The following ACAP2 variants were observed in gnomAD, a reference collection of about 807,000 sequenced individuals.
The protein encoded by ACAP2 is arf-GAP with coiled-coil, ANK repeat and PH domain-containing protein 2.
A neutral mutation model predicts 115.8 loss-of-function variants in ACAP2; 39 were observed. The ratio of observed to expected loss-of-function variants is 0.34; its 90% confidence interval spans 0.26 to 0.44. The LOEUF is 0.44. Among genes scored for constraint, ACAP2 ranks in the 20% least tolerant of loss-of-function variants. The pLI is 1.00. For synonymous variants in ACAP2, 289 were observed against 315.8 expected (o/e 0.92, Z 0.90); for missense variants, 662 against 927.6 (o/e 0.71, Z 3.72).
intron 4 of ACAP2, among the ~76,000 whole-genome samples, chr3:195,351,233 T>C (rs532108987): frequency 6.6e-6 from 1 of 151,236 alleles, no homozygotes; most frequent in South Asian, 2.1e-4. Flanking sequence ...TTCTCCTGCC[T>C]CAGCCTCCCA....
chr3:195,387,736 G>A (rs1174612078), intron 2 of ACAP2, among the ~76,000 whole-genome samples: 2 of 152,140 alleles, frequency 1.3e-5, no homozygotes, highest in Non-Finnish European at 2.9e-5. Context: ...GATTACAGGC[G>A]TGAGCCACCA....
At chr3:195,392,522 T>C (rs1734748037) in intron 1 of ACAP2, among the ~76,000 whole-genome samples, 1 of 152,218 alleles carries the variant, frequency 6.6e-6, no homozygotes, top group African/African-American at 2.4e-5. Context: ...CTGCAAGGCG[T>C]TGTTGGCAAC....
At chr3:195,382,043 T>C in intron 2 of ACAP2, 21 bp from the exon 3 acceptor site, 1 of 1,598,880 alleles carries the variant, frequency 6.3e-7, no homozygotes, top group Non-Finnish European at 8.5e-7. Flanking sequence ...AAAAAAAAAT[T>C]CATCAGGTTG....
intron 1 of ACAP2, among the ~76,000 whole-genome samples, chr3:195,426,205 C>T (rs1176391511): frequency 6.6e-6 from 1 of 152,186 alleles, no homozygotes; most frequent in Non-Finnish European, 1.5e-5. Context: ...AAGCTCCTTT[C>T]TCCCTGAGGC....
intron 1 of ACAP2, among the ~76,000 whole-genome samples, chr3:195,433,897 C>G (rs968775999): frequency 6.6e-6 from 1 of 152,048 alleles, no homozygotes; most frequent in Admixed American, 6.6e-5. Context: ...GAATACTGGT[C>G]TGTAGGGTTT....
chr3:195,438,150 C>G (rs1345423486), intron 1 of ACAP2, among the ~76,000 whole-genome samples: 1 of 151,174 alleles, frequency 6.6e-6, no homozygotes, highest in Non-Finnish European at 1.5e-5. Flanking sequence ...CTCAGCCTCC[C>G]GAGTAGCTGG....
intron 13 of ACAP2, among the ~76,000 whole-genome samples, chr3:195,302,855 C>T (rs1186255822): frequency 3.3e-5 from 5 of 152,062 alleles, no homozygotes; most frequent in South Asian, 2.1e-4. Flanking sequence ...GAAGCTGAAG[C>T]GGGAGGACCA....
chr3:195,418,958 A>G (rs1713953512), intron 1 of ACAP2, among the ~76,000 whole-genome samples: 1 of 152,170 alleles, frequency 6.6e-6, no homozygotes, highest in Non-Finnish European at 1.5e-5. Flanking sequence ...AATAACATGG[A>G]GATGCTTGCA....
intron 1 of ACAP2, among the ~76,000 whole-genome samples, chr3:195,396,302 T>G (rs571638744): frequency 2.0e-5 from 3 of 151,638 alleles, no homozygotes; most frequent in Admixed American, 1.3e-4. Flanking sequence ...AACAGCAAGT[T>G]TACCACCAAG....
intron 4 of ACAP2, among the ~76,000 whole-genome samples, chr3:195,348,758 TCTTCC>T (rs2108662474): frequency 1.3e-5 from 2 of 152,230 alleles, no homozygotes; most frequent in Admixed American, 1.3e-4. Context: ...GCAACAAAAA[TCTTCC>T]CTTCCTGATT....
intron 8 of ACAP2, among the ~76,000 whole-genome samples, chr3:195,328,506 C>T (rs1300880748): frequency 6.6e-6 from 1 of 152,110 alleles, no homozygotes; most frequent in Non-Finnish European, 1.5e-5. Context: ...TGATCTAATA[C>T]ACACATACCT....
At chr3:195,295,422 G>A in intron 17 of ACAP2, 2 of 554,834 alleles carry the variant, frequency 3.6e-6, no homozygotes, top group Non-Finnish European at 6.0e-6. Flanking sequence ...TAGTTAATCA[G>A]ATACTTAGGG....
At chr3:195,408,243 C>G (rs1712956520) in intron 1 of ACAP2, among the ~76,000 whole-genome samples, 1 of 152,150 alleles carries the variant, frequency 6.6e-6, no homozygotes, top group Admixed American at 6.6e-5. Context: ...AGGCGGTCTG[C>G]TTTCAGCTCA....
At chr3:195,420,495 CGTG>C (rs1714096864) in intron 1 of ACAP2, among the ~76,000 whole-genome samples, 4 of 151,790 alleles carry the variant, frequency 2.6e-5, no homozygotes, top group Non-Finnish European at 5.9e-5. Context: ...ACTATAGGCG[CGTG>C]CCACCACACC....
At chr3:195,369,330 T>C (rs950398381) in intron 4 of ACAP2, among the ~76,000 whole-genome samples, 16 of 152,200 alleles carry the variant, frequency 1.1e-4, no homozygotes, top group Admixed American at 9.2e-4. Context: ...TAAACTCTTA[T>C]CATGGGGGTT....
intron 1 of ACAP2, among the ~76,000 whole-genome samples, chr3:195,412,607 C>A (rs562437854): frequency 6.6e-6 from 1 of 151,328 alleles, no homozygotes; most frequent in African/African-American, 2.4e-5. Context: ...CAAGACTCTA[C>A]CTCAAAAAAT....
intron 13 of ACAP2, among the ~76,000 whole-genome samples, chr3:195,305,214 A>G (rs1048617814): frequency 1.2e-4 from 18 of 152,226 alleles, no homozygotes; most frequent in African/African-American, 4.1e-4. Context: ...ATTAACTGAG[A>G]AGATTTCCCA....
intron 6 of ACAP2, among the ~76,000 whole-genome samples, chr3:195,337,984 T>TGAGCCCGGG (rs1427000077): frequency 4.2e-5 from 6 of 143,728 alleles, no homozygotes; most frequent in South Asian, 2.4e-4. Flanking sequence ...CCCACCTCAA[T>TGAGCCCGGG]GCCTTTGCAC....
chr3:195,391,360 G>C (rs1734665352), intron 2 of ACAP2, among the ~76,000 whole-genome samples: 1 of 151,524 alleles, frequency 6.6e-6, no homozygotes, highest in South Asian at 2.1e-4. Flanking sequence ...CTCCCGAGTA[G>C]CTAGGATTAC....
Sources: gnomAD v4.1 joint callset for allele counts (sites outside exome capture counted in the v4.1 genomes callset) on GRCh38, gnomAD v4.1.1 for gene constraint, MANE v1.5 for transcripts, NCBI Gene and HGNC (gene_info 2026-07-23, HGNC 2026-07-21) for gene names.